The following PPP1R42 variants were observed in gnomAD, a reference collection of about 807,000 sequenced individuals.
PPP1R42 encodes the protein leucine rich repeat containing 67.
In PPP1R42, 34 loss-of-function variants were observed where a neutral mutation model predicts 31.0. The observed-to-expected ratio is 1.10, with a 90% CI of 0.83 to 1.46. PPP1R42 has a LOEUF of 1.46. Among genes scored for constraint, PPP1R42 ranks in the 40% most tolerant of loss-of-function variants. PPP1R42 has a pLI of 0.00. For missense variants in PPP1R42, 268 were observed against 303.0 expected (o/e 0.88, Z 0.86); for synonymous variants, 103 against 109.8 (o/e 0.94, Z 0.39).
chr8:67,018,140 A>C (rs1019927521), intron 1 of PPP1R42, among the ~76,000 whole-genome samples: 9 of 146,586 alleles, frequency 6.1e-5, no homozygotes, highest in African/African-American at 2.3e-4. Context: ...TTTGAGACGG[A>C]GTTTCGCTCT....
At chr8:66,975,955 C>A (rs144902110) in intron 7 of PPP1R42, among the ~76,000 whole-genome samples, 188 of 152,238 alleles carry the variant, frequency 1.2e-3, no homozygotes, top group African/African-American at 4.3e-3. Flanking sequence ...GGTCCCCAAC[C>A]CCAATGGTCC....
At chr8:66,984,968 G>A (rs1585645498) in intron 6 of PPP1R42, 2 of 1,553,838 alleles carry the variant, frequency 1.3e-6, no homozygotes, top group East Asian at 4.5e-5. Context: ...TGGGCTGGAT[G>A]TTCAACAAGA....
intron 5 of PPP1R42, among the ~76,000 whole-genome samples, chr8:67,006,965 G>A (rs1198639252): frequency 2.7e-5 from 4 of 148,548 alleles, no homozygotes; most frequent in Non-Finnish European, 6.0e-5. Context: ...GGATGGTCTC[G>A]ATCTCCTGAC....
At position 67,013,032 on chromosome 8, in the gene PPP1R42, G is replaced by A; in HGVS notation, c.361C>T (p.Leu121Phe). The change falls in exon 4 of 8, where the codon CTT becomes TTT. Residue 121 changes from leucine to phenylalanine, a missense_variant. By Grantham distance (22) the Leu-to-Phe change is conservative. Transcript: ENST00000685739. Reference sequence around the variant, plus strand: ...GGAAGCCTCTGATTCTCAACATGAAGCTCTCTTAGTTCTCCTAATCCTTCT... The same window carrying A: ...GGAAGCCTCTGATTCTCAACATGAAACTCTCTTAGTTCTCCTAATCCTTCT... ...GLEGLGELRE[L>F]HVENQRLPLG... 1 of 1,612,072 alleles carries A rather than the reference G, an allele frequency of 6.2e-7. No individual in the cohort carries two copies.
chr8:67,027,356 A>T (rs1461166278), intron 1 of PPP1R42, among the ~76,000 whole-genome samples: 1 of 152,236 alleles, frequency 6.6e-6, no homozygotes, highest in Non-Finnish European at 1.5e-5. Context: ...ATGACCTTAG[A>T]TAATTTTGGA....
rs1275576195 is a variant in PPP1R42, at chr8:66,998,314, A to G, written c.553-9797T>C. On this transcript the variant is annotated intron_variant, in intron 5 of 7. Transcript: ENST00000685739. ...AGTATTTTATATATCTGATGAAGTT[A>G]TAAATGCCATTTTAAAAAAATTCAT... Among the ~76,000 whole-genome samples the G allele has an allele frequency of 3.3e-5, 5 of 152,314 alleles. No homozygotes were observed. In the East Asian group the frequency reaches 9.6e-4, roughly 29 times the overall value.
At chr8:66,987,584 G>C (rs1334080969) in intron 6 of PPP1R42, among the ~76,000 whole-genome samples, 2 of 152,098 alleles carry the variant, frequency 1.3e-5, no homozygotes, top group Non-Finnish European at 2.9e-5. Flanking sequence ...GAGCCACCGC[G>C]CCCGGCCTCA....
chr8:66,974,999 A>G (rs892843073), intron 7 of PPP1R42, among the ~76,000 whole-genome samples: 17 of 152,290 alleles, frequency 1.1e-4, no homozygotes, highest in African/African-American at 4.1e-4. Flanking sequence ...GAATTTTAGA[A>G]TTGCTTTTTT....
intron 7 of PPP1R42, chr8:66,971,091 C>T (rs1246773705): frequency 7.2e-6 from 11 of 1,534,102 alleles, no homozygotes; most frequent in Non-Finnish European, 9.6e-6. Context: ...TTGGCTTACC[C>T]ACCTGTGGGT....
At chr8:67,027,753 T>A (rs1419110890) in intron 1 of PPP1R42, among the ~76,000 whole-genome samples, 3 of 152,224 alleles carry the variant, frequency 2.0e-5, no homozygotes, top group African/African-American at 7.2e-5. Context: ...TCTTTGGTTT[T>A]CTTTTAAAAG....
chr8:66,978,206 A>G (rs912083440), intron 7 of PPP1R42, among the ~76,000 whole-genome samples: 10 of 152,322 alleles, frequency 6.6e-5, no homozygotes, highest in African/African-American at 2.4e-4. Flanking sequence ...GGCACATCTT[A>G]CATGGTGGCA....
At chr8:67,007,009 C>T (rs1463409217) in intron 5 of PPP1R42, among the ~76,000 whole-genome samples, 6 of 151,638 alleles carry the variant, frequency 4.0e-5, no homozygotes, top group African/African-American at 7.3e-5. Context: ...TCCCAAAGTG[C>T]TGGGATCACA....
chr8:66,975,674 T>C (rs1814649487), intron 7 of PPP1R42, among the ~76,000 whole-genome samples: 1 of 152,024 alleles, frequency 6.6e-6, no homozygotes, highest in South Asian at 2.1e-4. Flanking sequence ...TAGTTGGGGC[T>C]CACACTAGAT....
At chr8:66,966,856 T>C (rs1814395988) in intron 7 of PPP1R42, among the ~76,000 whole-genome samples, 2 of 152,180 alleles carry the variant, frequency 1.3e-5, no homozygotes, top group African/African-American at 4.8e-5. Flanking sequence ...TGGAAAATAA[T>C]ATAATTCTTT....
At chr8:66,986,730 G>T (rs2130929772) in intron 6 of PPP1R42, among the ~76,000 whole-genome samples, 1 of 152,354 alleles carries the variant, frequency 6.6e-6, no homozygotes, top group Admixed American at 6.5e-5. Context: ...GAGAATAAGT[G>T]CGCAAAAGTA....
intron 5 of PPP1R42, among the ~76,000 whole-genome samples, chr8:66,999,041 T>G (rs1815410466): frequency 6.6e-6 from 1 of 152,170 alleles, no homozygotes; most frequent in South Asian, 2.1e-4. Context: ...AAGTAGTCCC[T>G]GCTTCTCTGT....
At chr8:67,027,724 T>A (rs1315670035) in intron 1 of PPP1R42, among the ~76,000 whole-genome samples, 1 of 152,230 alleles carries the variant, frequency 6.6e-6, no homozygotes, top group African/African-American at 2.4e-5. Context: ...ATAAAAATAA[T>A]GTCCGCACTT....
rs1264049824 is a variant in PPP1R42 at position 66,988,453 on chromosome 8, A to G, written c.617T>C (p.Val206Ala). Residue 206 changes from valine to alanine, a missense_variant, in exon 6 of 8, where the codon GTT (valine) becomes GCT (alanine). Transcript: ENST00000685739. ...LWKIDLNGNP[V>A]CLKPKYRDRL... ...GTCCCTGTATTTTGGTTTGAGACAA[A>G]CAGGATTTCCATTTAGATCAATTTT... 1 of 1,610,680 alleles carries G rather than the reference A, an allele frequency of 6.2e-7. No individual in the cohort carries two copies. The highest frequency in any genetic ancestry group is 8.5e-7 in the Non-Finnish European group (1 of 1,178,284).
At position 66,964,238 on chromosome 8, in the gene PPP1R42, A is replaced by C; in HGVS notation, c.*83T>G. ...GAGGCTGAATTTACTCATTTTCCAC[A>C]AACAAATTTTCTTTTTCTTCTGGGT... On this transcript the variant is annotated 3_prime_UTR_variant, in exon 8 of 8. Coordinates refer to ENST00000685739, the MANE Select transcript of PPP1R42 (RefSeq NM_001364910.1). 1.9e-6 allele frequency: 2 copies of C among 1,065,568 alleles called. No homozygotes were observed. Among genetic ancestry groups the C allele is most frequent in the South Asian group, 2.6e-5 (2 of 75,836 alleles). The allele number at this position is 1,065,568 out of a possible 1,614,324, so 66.0% of individuals were successfully genotyped here.
Sources: gnomAD v4.1 joint callset for allele counts (sites outside exome capture counted in the v4.1 genomes callset) on GRCh38, gnomAD v4.1.1 for gene constraint, MANE v1.5 for transcripts, NCBI Gene and HGNC (gene_info 2026-07-23, HGNC 2026-07-21) for gene names.